Variants in POU2F1 observed in about 807,000 individuals in gnomAD.
POU2F1 encodes POU domain, class 2, transcription factor 1.
A neutral mutation model predicts 84.9 loss-of-function variants in POU2F1; 16 were observed. The observed-to-expected ratio is 0.19, with a 90% CI of 0.13 to 0.29. The LOEUF is 0.29. POU2F1 is among the 10% of genes least tolerant of loss of function. The pLI, the probability that POU2F1 is intolerant of heterozygous loss-of-function variation, is 1.00. For missense variants in POU2F1, 738 were observed against 942.6 expected, an observed-to-expected ratio of 0.78 and a Z score of 2.84; for synonymous variants, 368 against 368.3, an observed-to-expected ratio of 1.00 and a Z score of 0.01.
chr1:167,335,560 CAG>C (rs972977810), intron 2 of POU2F1, among the ~76,000 whole-genome samples: 1 of 152,068 alleles, frequency 6.6e-6, no homozygotes, highest in Non-Finnish European at 1.5e-5. Context: ...TATACAGTAA[CAG>C]AGAATTGAAA....
At chr1:167,317,971 G>C (rs374947858) in intron 1 of POU2F1, among the ~76,000 whole-genome samples, 1 of 152,170 alleles carries the variant, frequency 6.6e-6, no homozygotes, top group Non-Finnish European at 1.5e-5. Context: ...TTAAAAGCAC[G>C]ATCATCATTG....
intron 1 of POU2F1, among the ~76,000 whole-genome samples, chr1:167,232,527 T>C (rs1649142061): frequency 1.3e-5 from 2 of 152,188 alleles, no homozygotes; most frequent in African/African-American, 4.8e-5. Flanking sequence ...AGTCAAAAAG[T>C]TTTTAACATT....
At chr1:167,329,903 T>C (rs919405990) in intron 1 of POU2F1, among the ~76,000 whole-genome samples, 4 of 152,188 alleles carry the variant, frequency 2.6e-5, no homozygotes. Context: ...TAAAATCAAC[T>C]ATATACTCTA....
At chr1:167,266,921 T>C (rs1652004047) in intron 1 of POU2F1, among the ~76,000 whole-genome samples, 1 of 152,082 alleles carries the variant, frequency 6.6e-6, no homozygotes, top group Non-Finnish European at 1.5e-5. Context: ...CGCAAAATGT[T>C]CATATTATTT....
At chr1:167,324,252 T>A (rs1019168558) in intron 1 of POU2F1, among the ~76,000 whole-genome samples, 3 of 145,720 alleles carry the variant, frequency 2.1e-5, no homozygotes, top group African/African-American at 8.3e-5. Context: ...TGTTTTTTAA[T>A]CTATGAGACA....
intron 1 of POU2F1, among the ~76,000 whole-genome samples, chr1:167,252,064 T>C (rs1650773938): frequency 6.6e-6 from 1 of 151,600 alleles, no homozygotes; most frequent in Non-Finnish European, 1.5e-5. Flanking sequence ...GTTTCACCAT[T>C]TTGGCCAGGC....
chr1:167,257,364 A>T (rs2102421618), intron 1 of POU2F1, among the ~76,000 whole-genome samples: 1 of 152,348 alleles, frequency 6.6e-6, no homozygotes, highest in East Asian at 1.9e-4. Flanking sequence ...GCACTACAGT[A>T]ACACATACAC....
At chr1:167,232,281 T>C (rs1163729246) in intron 1 of POU2F1, among the ~76,000 whole-genome samples, 1 of 152,222 alleles carries the variant, frequency 6.6e-6, no homozygotes, top group East Asian at 1.9e-4. Context: ...CAGTATACAA[T>C]GGCAGTCCCA....
At chr1:167,271,690 G>A (rs961352348) in intron 1 of POU2F1, among the ~76,000 whole-genome samples, 5 of 152,130 alleles carry the variant, frequency 3.3e-5, no homozygotes, top group African/African-American at 1.2e-4. Flanking sequence ...TTCTGTGGAA[G>A]GCTTAGAACT....
intron 1 of POU2F1, among the ~76,000 whole-genome samples, chr1:167,280,187 C>T (rs76183277): frequency 7.0e-6 from 1 of 143,306 alleles, no homozygotes; most frequent in African/African-American, 2.6e-5. Context: ...TACTCTGTCT[C>T]GGGGAAAAAA....
At position 167,365,476 on chromosome 1, in the gene POU2F1, C is replaced by G. The variant is rs1201312375; in HGVS notation, c.137C>G (p.Thr46Ser). Residue 46 changes from threonine (T) to serine (S), a missense_variant, in exon 3 of 16, where the codon ACC becomes AGC. Around this residue, in one of 4 missense-constraint regions of POU2F1, gnomAD observed 161 missense variants for 147.0 expected, o/e 1.10. Coordinates refer to ENST00000367866, the MANE Select transcript of POU2F1 (RefSeq NM_002697.4). Reference protein sequence around the residue: ...ESGDGNTGTQTNGLDFQKQPV... With the variant: ...ESGDGNTGTQSNGLDFQKQPV... ...TTTGCTTGCTTTCTAGGCACACAAA[C>G]CAATGGTCTGGACTTTCAGAAGCAG... 6.3e-7 allele frequency: 1 copy of G among 1,588,914 alleles called. No homozygotes were observed. Among genetic ancestry groups the G allele is most frequent in the East Asian group, 2.3e-5 (1 of 43,192 alleles).
chr1:167,358,325 A>G (rs147012901), intron 2 of POU2F1, among the ~76,000 whole-genome samples: 648 of 151,468 alleles, frequency 4.3e-3, no homozygotes, highest in Non-Finnish European at 7.6e-3. Flanking sequence ...ATTTTTTCAT[A>G]TATGTTTATG....
In POU2F1 at chr1:167,426,978, G is replaced by A. The variant is rs189617521; in HGVS notation, c.*11168G>A. The A allele has an allele frequency of 6.6e-6, 1 of 152,274 alleles. No individual in the cohort carries two copies. The highest frequency in any genetic ancestry group is 6.5e-5 in the Admixed American group (1 of 15,298). 9.4% of individuals were successfully genotyped at this position (152,274 alleles called of 1,614,324 possible). A position where few individuals can be genotyped will look rare whatever the true frequency, so the allele number is the denominator to read the frequency against. On this transcript the variant is annotated 3_prime_UTR_variant, in exon 16 of 16. Transcript: ENST00000367866. ...GAATCAGCTGATAACTTGCGTGCTG[G>A]ACCTTGTTATCTGTGCCCCTGGGAG...
At chr1:167,245,901 A>T (rs554816153) in intron 1 of POU2F1, among the ~76,000 whole-genome samples, 7 of 152,294 alleles carry the variant, frequency 4.6e-5, no homozygotes, top group African/African-American at 1.7e-4. Context: ...TTTATTGTTT[A>T]TGGTAGTCAT....
chr1:167,338,490 A>G (rs1297564532), intron 2 of POU2F1, among the ~76,000 whole-genome samples: 1 of 152,184 alleles, frequency 6.6e-6, no homozygotes, highest in African/African-American at 2.4e-5. Context: ...GTTCGACTGT[A>G]TGACCTTTCT....
intron 1 of POU2F1, among the ~76,000 whole-genome samples, chr1:167,330,297 A>G (rs1314773088): frequency 6.6e-6 from 1 of 152,176 alleles, no homozygotes; most frequent in East Asian, 1.9e-4. Flanking sequence ...CCAAAGATAA[A>G]GTAAAATGAT....
At chr1:167,294,057 C>G (rs1654111374) in intron 1 of POU2F1, among the ~76,000 whole-genome samples, 1 of 150,928 alleles carries the variant, frequency 6.6e-6, no homozygotes, top group South Asian at 2.1e-4. Flanking sequence ...GAATTCATGA[C>G]TATGGTGGCT....
chr1:167,427,253 A>G lies in POU2F1; in HGVS notation c.*11443A>G, dbSNP rs1299462614. The G allele has an allele frequency of 6.6e-6, 1 of 152,124 alleles. No homozygotes were observed. Among genetic ancestry groups the G allele is most frequent in the Non-Finnish European group, 1.5e-5 (1 of 68,030 alleles). 9.4% of individuals were successfully genotyped at this position (152,124 alleles called of 1,614,324 possible). On this transcript the variant is annotated 3_prime_UTR_variant, in exon 16 of 16. Transcript: ENST00000367866. ...TTGTGTAGATGCATTTGTCTGCTGT[A>G]ATTTTTTATATATATATTAAACTTA...
At position 167,415,780 on chromosome 1, in the gene POU2F1, C is replaced by T. The variant is rs1650263286; in HGVS notation, c.2271C>T (p.Ser757=). Residue 757 remains serine, a synonymous_variant, in exon 16 of 16, where the codon TCC becomes TCT. Coordinates refer to ENST00000367866, the MANE Select transcript of POU2F1 (RefSeq NM_002697.4). ...FTVASASGAA[S]TTTTASKAQ is the part of the protein sequence containing the mutation. ...TGGCCTCTGCCAGCGGGGCTGCGTCCACCACCACCACCGCCTCCAAGGCAC... is the reference window on the plus strand; with the variant it reads ...TGGCCTCTGCCAGCGGGGCTGCGTCTACCACCACCACCGCCTCCAAGGCAC... The T allele has an allele frequency of 6.2e-7, 1 of 1,612,598 alleles. No homozygotes were observed. The highest frequency in any genetic ancestry group is 1.3e-5 in the African/African-American group (1 of 74,984).
Sources: allele counts gnomAD v4.1 joint callset (sites outside exome capture counted in the v4.1 genomes callset), GRCh38; gene constraint gnomAD v4.1.1; regional missense constraint gnomAD v4.1.1; transcripts MANE v1.5; gene names NCBI Gene and HGNC (gene_info 2026-07-23, HGNC 2026-07-21).